The following HNF4A variants were observed in gnomAD, a reference collection of about 807,000 sequenced individuals.
HNF4A encodes hepatocyte nuclear factor 4-alpha.
In HNF4A, 15 loss-of-function variants were observed where a neutral mutation model predicts 52.4. That is an observed-to-expected ratio of 0.29 (90% confidence interval 0.19 to 0.44). The LOEUF is 0.44. HNF4A is among the 20% of genes least tolerant of loss of function. The probability of loss-of-function intolerance (pLI) is 1.00; values close to 1 mark genes in which losing one functional copy is unlikely to be tolerated. For missense variants in HNF4A, 479 were observed against 647.2 expected (o/e 0.74, Z 2.82); for synonymous variants, 280 against 264.4 (o/e 1.06, Z -0.57).
chr20:44,432,460 G>A lies in HNF4A; in HGVS notation c.*2795G>A, dbSNP rs2063890143. The A allele has an allele frequency of 7.3e-6, 1 of 137,740 alleles. No individual in the cohort carries two copies. The highest frequency in any genetic ancestry group is 1.5e-5 in the Non-Finnish European group (1 of 66,034). The allele number at this position is 137,740 out of a possible 1,614,324, so 8.5% of individuals were successfully genotyped here. On this transcript the variant is annotated 3_prime_UTR_variant, in exon 10 of 10. Transcript: ENST00000316099. ...AGCGTGGGCACAATTTCCCCACCAA[G>A]ACACCCTGATCTTCAGGCGGGTCTC...
chr20:44,418,009 A>C (rs1256095212), intron 5 of HNF4A, among the ~76,000 whole-genome samples: 1 of 150,856 alleles, frequency 6.6e-6, no homozygotes, highest in African/African-American at 2.4e-5. Flanking sequence ...TTTACAAAGC[A>C]CCCTTCATAA....
chr20:44,388,517 G>A (rs755905136), intron 1 of HNF4A, among the ~76,000 whole-genome samples: 5 of 152,058 alleles, frequency 3.3e-5, no homozygotes, highest in Non-Finnish European at 5.9e-5. Context: ...TGTGTGATGG[G>A]GAGATGTTCT....
intron 3 of HNF4A, among the ~76,000 whole-genome samples, chr20:44,410,051 G>T (rs113914059): frequency 0.04 from 6,095 of 152,266 alleles, 430 homozygotes; most frequent in African/African-American, 0.14. Flanking sequence ...TGGCCAGGCT[G>T]GTCTGGAACC....
At chr20:44,414,386 G>T in intron 4 of HNF4A, 121 bp from the exon 5 acceptor site, 1 of 1,414,836 alleles carries the variant, frequency 7.1e-7, no homozygotes. Flanking sequence ...CAGAGCTGGA[G>T]GGCACCCACT....
chr20:44,387,288 TA>T (rs537843651), intron 1 of HNF4A, among the ~76,000 whole-genome samples: 3,248 of 81,820 alleles, frequency 0.04, 35 homozygotes, highest in Non-Finnish European at 0.047. Context: ...AACTTCATCT[TA>T]AAAAAAAAAA....
intron 1 of HNF4A, among the ~76,000 whole-genome samples, chr20:44,393,561 G>C (rs757659442): frequency 6.6e-6 from 1 of 152,170 alleles, no homozygotes; most frequent in Non-Finnish European, 1.5e-5. Flanking sequence ...CATCAGCTGT[G>C]TGAGCATGGG....
chr20:44,374,253 T>C (rs2063062525), intron 1 of HNF4A, among the ~76,000 whole-genome samples: 1 of 152,204 alleles, frequency 6.6e-6, no homozygotes, highest in Admixed American at 6.5e-5. Flanking sequence ...GTTTCTGTGT[T>C]GATTCACTTA....
At chr20:44,369,333 A>AGTG (rs2063007905) in intron 1 of HNF4A, among the ~76,000 whole-genome samples, 1 of 145,680 alleles carries the variant, frequency 6.9e-6, no homozygotes, top group Admixed American at 7.0e-5. Flanking sequence ...TGGGAGGATG[A>AGTG]GTGGGGGGAT....
intron 1 of HNF4A, among the ~76,000 whole-genome samples, chr20:44,365,162 GGTTT>G (rs996411568): frequency 1.7e-4 from 25 of 149,504 alleles, no homozygotes; most frequent in Admixed American, 1.2e-3. Flanking sequence ...TTTTTTTTTT[GGTTT>G]GTTTTTGTTT....
intron 3 of HNF4A, among the ~76,000 whole-genome samples, chr20:44,411,284 G>A (rs746835234): frequency 1.2e-4 from 18 of 152,128 alleles, no homozygotes; most frequent in Non-Finnish European, 2.5e-4. Context: ...TCACCTCTCC[G>A]CCTCTGCCCA....
At position 44,406,114 on chromosome 20, in the gene HNF4A, G is replaced by A. The variant is rs376906221; in HGVS notation, c.172G>A (p.Ala58Thr). ...CGCGCCCAACAGCCTGGGTGTCAGC[G>A]CCCTGTGTGCCATCTGCGGGGACCG... Residue 58 changes from alanine (A) to threonine (T), a missense_variant, in exon 2 of 10, where the codon GCC (alanine) becomes ACC (threonine). Around this residue, in one of 3 missense-constraint regions of HNF4A, gnomAD observed 90 missense variants for 105.5 expected, o/e 0.85. Transcript: ENST00000316099. 1.1e-5 allele frequency: 17 copies of A among 1,613,490 alleles called. No individual in the cohort carries two copies. Among genetic ancestry groups the A allele is most frequent in the Admixed American group, 5.0e-5 (3 of 60,006 alleles).
upstream of HNF4A, chr20:44,401,184 C>A: frequency 3.4e-6 from 5 of 1,471,274 alleles, no homozygotes; most frequent in Middle Eastern, 2.5e-4. Context: ...TTAACCCCCA[C>A]CCCTCCCCGG....
At chr20:44,412,982 C>A (rs1375197448) in intron 3 of HNF4A, among the ~76,000 whole-genome samples, 1 of 152,164 alleles carries the variant, frequency 6.6e-6, no homozygotes, top group African/African-American at 2.4e-5. Context: ...AGCCTCATTC[C>A]ACAGTGAGGC....
chr20:44,424,948 A>G (rs6073435), intron 8 of HNF4A, among the ~76,000 whole-genome samples: 6 of 151,980 alleles, frequency 3.9e-5, no homozygotes, highest in African/African-American at 1.2e-4. Flanking sequence ...TTTTATTCTC[A>G]TTGCAACTAT....
At chr20:44,405,993 A>T in intron 1 of HNF4A, 65 bp from the exon 2 acceptor site, 2 of 1,498,364 alleles carry the variant, frequency 1.3e-6, no homozygotes, top group South Asian at 2.3e-5. Context: ...GATCCCCGCA[A>T]GGCTCCCTTA....
Position 44,386,152 on chromosome 20 carries a change from C to T in HNF4A, c.50-19906C>T, listed in dbSNP as rs552747656. ...AGGCGTGAGCCACCGTGCCCAGCCA[C>T]CATCTGATTTTTTTTTTTTTTTTTT... On this transcript the variant is annotated intron_variant, in intron 1 of 9. Coordinates refer to the HNF4A transcript ENST00000316673. Among the ~76,000 whole-genome samples the T allele has an allele frequency of 5.4e-5, 8 of 148,954 alleles. No individual in the cohort carries two copies. In the East Asian group the frequency reaches 1.4e-3, roughly 26 times the overall value.
intron 1 of HNF4A, among the ~76,000 whole-genome samples, chr20:44,403,861 C>T (rs922456885): frequency 1.3e-5 from 2 of 152,206 alleles, no homozygotes; most frequent in Non-Finnish European, 2.9e-5. Context: ...GCTGACAGCC[C>T]CCAGCCCATC....
chr20:44,419,986 G>C, intron 7 of HNF4A, 110 bp downstream of exon 7: 1 of 1,164,082 alleles, frequency 8.6e-7, no homozygotes. Context: ...TCATGTTAAC[G>C]ACAGCCAGGA....
intron 6 of HNF4A, 27 bp downstream of exon 6, chr20:44,418,539 G>A: frequency 3.2e-6 from 5 of 1,560,946 alleles, no homozygotes; most frequent in Non-Finnish European, 4.4e-6. Context: ...CCCTGGCCAG[G>A]GCTCCAGGGA....
Sources: gnomAD v4.1 joint callset for allele counts (sites outside exome capture counted in the v4.1 genomes callset) on GRCh38, gnomAD v4.1.1 for gene constraint, gnomAD v4.1.1 regional missense constraint, MANE v1.5 for transcripts, NCBI Gene and HGNC (gene_info 2026-07-23, HGNC 2026-07-21) for gene names.